The following SPIRE1 variants were observed in gnomAD, a reference collection of about 807,000 sequenced individuals.
SPIRE1 encodes the protein spire type actin nucleation factor 1, also known as protein spire homolog 1.
A neutral mutation model predicts 94.1 loss-of-function variants in SPIRE1; 40 were observed. That is an observed-to-expected ratio of 0.43 (90% CI 0.33 to 0.55). The LOEUF (loss-of-function observed/expected upper bound fraction) is 0.55. SPIRE1 is among the 20% of genes least tolerant of loss of function. The probability of loss-of-function intolerance (pLI) is 0.06; values close to 1 mark genes in which losing one functional copy is unlikely to be tolerated. For missense variants in SPIRE1, 838 were observed against 975.2 expected (o/e 0.86, Z 1.87); for synonymous variants, 376 against 371.7 (o/e 1.01, Z -0.13).
At position 12,464,864 on chromosome 18, in the gene SPIRE1, T is replaced by G; in HGVS notation, c.1495+4A>C. The G allele has an allele frequency of 3.1e-6, 5 of 1,611,130 alleles. No individual in the cohort carries two copies. The highest frequency in any genetic ancestry group is 4.2e-6 in the Non-Finnish European group (5 of 1,177,384). On this transcript the variant is annotated splice_donor_region_variant and intron_variant, in intron 11 of 16. Coordinates refer to ENST00000409402, the MANE Select transcript of SPIRE1 (RefSeq NM_001128626.2). ...CTACAGCTCTTAGCACCACAACTAC[T>G]CACTCTTCCTTGTGGACACGGCCTC...
chr18:12,582,526 TCCA>T (rs1245393810), intron 2 of SPIRE1, among the ~76,000 whole-genome samples: 1 of 152,130 alleles, frequency 6.6e-6, no homozygotes, highest in Non-Finnish European at 1.5e-5. Context: ...TAATAATTGC[TCCA>T]CAATTATTAA....
rs750067866 is a variant in SPIRE1, at chr18:12,449,596, G to A, written c.*42C>T. ...GCCCGGCTCAGTGTCCTCGCGCACG[G>A]ACGCTGACTCGTAGCACAAAAGCAG... On this transcript the variant is annotated 3_prime_UTR_variant, in exon 17 of 17. Transcript: ENST00000409402. The A allele has an allele frequency of 3.1e-6, 5 of 1,594,852 alleles. No individual in the cohort carries two copies. The highest frequency in any genetic ancestry group is 4.3e-6 in the Non-Finnish European group (5 of 1,169,160).
intron 4 of SPIRE1, among the ~76,000 whole-genome samples, chr18:12,532,462 A>G (rs913455547): frequency 2.6e-5 from 4 of 152,236 alleles, no homozygotes; most frequent in African/African-American, 9.6e-5. Context: ...CCCAATTTAT[A>G]TGCATTCATG....
chr18:12,616,962 C>T (rs373672789), intron 2 of SPIRE1, among the ~76,000 whole-genome samples: 35 of 146,774 alleles, frequency 2.4e-4, no homozygotes, highest in African/African-American at 8.6e-4. Context: ...GGGGTTCAAG[C>T]GATTCCCCTG....
chr18:12,658,936 A>C (rs77120281), upstream of SPIRE1: 1,540 of 243,180 alleles, frequency 6.3e-3, 29 homozygotes, highest in African/African-American at 0.034. Context: ...CACTAAGGTA[A>C]TGTCTCAAGT....
intron 16 of SPIRE1, among the ~76,000 whole-genome samples, chr18:12,451,536 C>T (rs752706708): frequency 3.3e-5 from 5 of 152,190 alleles, no homozygotes; most frequent in Non-Finnish European, 7.3e-5. Flanking sequence ...ACTGAAAATT[C>T]ACACCCAGAG....
At chr18:12,588,807 T>C (rs375277775) in intron 2 of SPIRE1, among the ~76,000 whole-genome samples, 1 of 152,222 alleles carries the variant, frequency 6.6e-6, no homozygotes, top group African/African-American at 2.4e-5. Context: ...GGTTCTTTTA[T>C]TAAGCCTTTA....
In SPIRE1 at chr18:12,561,662, G is replaced by T. The variant is rs112488230; in HGVS notation, c.373-14758C>A. 1.6e-3 allele frequency among the ~76,000 whole-genome samples: 238 copies of T among 152,196 alleles called. 1 individual carries two copies. The highest frequency in any genetic ancestry group is 2.7e-3 in the Non-Finnish European group (187 of 68,032). On this transcript the variant is annotated intron_variant, in intron 2 of 16. Coordinates refer to ENST00000409402, the MANE Select transcript of SPIRE1 (RefSeq NM_001128626.2). ...CAGTCTCTTATCTAAAATCTTTAAG[G>T]TTAGCTGTGTTTGTAAGTTCATAAT...
intron 3 of SPIRE1, among the ~76,000 whole-genome samples, chr18:12,540,090 AAGGAAAGAGTGTCCC>A (rs916039037): frequency 7.2e-5 from 11 of 152,046 alleles, no homozygotes; most frequent in Admixed American, 7.2e-4. Flanking sequence ...GCACAGACCT[AAGGAAAGAGTGTCCC>A]AGGCATGGGA....
chr18:12,537,601 T>A (rs1022676727), intron 3 of SPIRE1, among the ~76,000 whole-genome samples: 16 of 152,150 alleles, frequency 1.1e-4, no homozygotes, highest in African/African-American at 3.9e-4. Context: ...TAAATGCATA[T>A]GACAATCTTA....
At chr18:12,493,564 G>A (rs1325672680) in intron 7 of SPIRE1, among the ~76,000 whole-genome samples, 1 of 151,960 alleles carries the variant, frequency 6.6e-6, no homozygotes, top group Non-Finnish European at 1.5e-5. Flanking sequence ...GTGCCAACAT[G>A]CCTGGCTAAT....
intron 3 of SPIRE1, among the ~76,000 whole-genome samples, chr18:12,540,059 A>G (rs537865934): frequency 1.3e-5 from 2 of 152,206 alleles, no homozygotes; most frequent in East Asian, 3.9e-4. Flanking sequence ...AGAGAGATCA[A>G]TGAAGATTGG....
chr18:12,501,984 A>C (rs2033681349), intron 6 of SPIRE1, among the ~76,000 whole-genome samples: 1 of 152,144 alleles, frequency 6.6e-6, no homozygotes, highest in Non-Finnish European at 1.5e-5. Flanking sequence ...AATGTCTTTT[A>C]TTTACCACAG....
At chr18:12,569,299 C>T (rs1006546868) in intron 2 of SPIRE1, among the ~76,000 whole-genome samples, 1 of 149,158 alleles carries the variant, frequency 6.7e-6, no homozygotes, top group South Asian at 2.1e-4. Context: ...TGAGATCACA[C>T]CAATGCACTC....
intron 3 of SPIRE1, among the ~76,000 whole-genome samples, chr18:12,540,658 G>T (rs1394281075): frequency 6.6e-6 from 1 of 152,198 alleles, no homozygotes; most frequent in Non-Finnish European, 1.5e-5. Flanking sequence ...TTACAGGCGT[G>T]AGCCACTGCA....
At chr18:12,513,181 T>A (rs866453436) in intron 4 of SPIRE1, among the ~76,000 whole-genome samples, 1 of 152,188 alleles carries the variant, frequency 6.6e-6, no homozygotes. Context: ...TATATATTTA[T>A]CAAGTAATTT....
chr18:12,454,453 C>T lies in SPIRE1; in HGVS notation c.1669G>A (p.Ala557Thr), dbSNP rs369979810. 1.5e-4 allele frequency: 238 copies of T among 1,613,908 alleles called. No individual in the cohort carries two copies. The highest frequency in any genetic ancestry group is 1.8e-4 in the Non-Finnish European group (210 of 1,179,918). Residue 557 changes from alanine to threonine, a missense_variant, in exon 13 of 17, where the codon GCT becomes ACT. Ala to Thr is a moderately conservative substitution (Grantham distance 58). Transcript: ENST00000409402. ...TGCATCACTTCTTCCACAGTAAGAG[C>T]GAGGCATTCCACTGGGTAGCAGAAT... ...EEFCYPVECL[A>T]LTVEEVMHIR...
chr18:12,558,204 T>TA (rs1205011905), intron 2 of SPIRE1, among the ~76,000 whole-genome samples: 1 of 152,160 alleles, frequency 6.6e-6, no homozygotes, highest in Non-Finnish European at 1.5e-5. Context: ...TGTCCGGAGT[T>TA]AGTTTCTTCT....
chr18:12,554,200 G>C (rs1340012710), intron 2 of SPIRE1, among the ~76,000 whole-genome samples: 3 of 150,134 alleles, frequency 2.0e-5, no homozygotes, highest in African/African-American at 7.4e-5. Context: ...TTGGGAGGCT[G>C]ACGCACAGAA....
Sources: allele counts gnomAD v4.1 joint callset (sites outside exome capture counted in the v4.1 genomes callset), GRCh38; gene constraint gnomAD v4.1.1; transcripts MANE v1.5; gene names NCBI Gene and HGNC (gene_info 2026-07-23, HGNC 2026-07-21).